Variants in DAB2IP observed in about 807,000 individuals in gnomAD.
DAB2IP encodes disabled homolog 2-interacting protein.
DAB2IP carries 28 observed loss-of-function variants against 107.2 expected under a neutral mutation model. That is an observed-to-expected ratio of 0.26 (90% CI 0.19 to 0.36). The LOEUF is 0.36. Among genes scored for constraint, DAB2IP ranks in the 10% least tolerant of loss-of-function variants. DAB2IP has a pLI of 1.00. For missense variants in DAB2IP, 1,400 were observed against 1,644.7 expected, an observed-to-expected ratio of 0.85 and a Z score of 2.57; for synonymous variants, 755 against 706.4, an observed-to-expected ratio of 1.07 and a Z score of -1.09.
intron 13 of DAB2IP, among the ~76,000 whole-genome samples, chr9:121,775,825 C>T (rs1468110938): frequency 6.6e-6 from 1 of 152,244 alleles, no homozygotes; most frequent in Non-Finnish European, 1.5e-5. Context: ...TGCAGAGCTC[C>T]CACCTCTCAG....
chr9:121,645,565 C>A (rs1341913678), intron 1 of DAB2IP, among the ~76,000 whole-genome samples: 1 of 152,176 alleles, frequency 6.6e-6, no homozygotes, highest in Non-Finnish European at 1.5e-5. Context: ...GGTCTCACTT[C>A]CCCATCTTCA....
Position 121,776,730 on chromosome 9 carries a change from C to T in DAB2IP, c.3314+339C>T, listed in dbSNP as rs1564232299. On this transcript the variant is annotated intron_variant, in intron 14 of 15. Coordinates refer to ENST00000408936, the Ensembl canonical transcript of DAB2IP. The surrounding 1 kb of genome is among the most constrained non-coding windows in gnomAD (Gnocchi z 5.4). ...CTGGATTGGGGGGTGCCAGGAAAGA[C>T]AGGGAGGACCCCAATACAGGGTAAG... 6.6e-6 allele frequency among the ~76,000 whole-genome samples: 1 copy of T among 152,148 alleles called. No homozygotes were observed. Among genetic ancestry groups the T allele is most frequent in the Non-Finnish European group, 1.5e-5 (1 of 68,004 alleles).
rs182856496 is a variant in DAB2IP at position 121,582,953 on chromosome 9, C to T, written c.40+15725C>T. 1.5e-3 allele frequency among the ~76,000 whole-genome samples: 223 copies of T among 152,374 alleles called. 1 individual carries two copies. The highest frequency in any genetic ancestry group is 5.2e-3 in the African/African-American group (216 of 41,590). The stretch of plus-strand genomic sequence containing the variant: ...AAGGCTCTGCCCTGCGGGCAGCCCT[C>T]ATGTGTGTCTCATTCCCCTGTAGCC... On this transcript the variant is annotated intron_variant, in intron 1 of 16. Coordinates refer to the DAB2IP transcript ENST00000259371.
chr9:121,678,399 C>G (rs1828391388), intron 1 of DAB2IP, among the ~76,000 whole-genome samples: 1 of 152,214 alleles, frequency 6.6e-6, no homozygotes. Flanking sequence ...CTGATGGACC[C>G]TTGGGTTTCC....
chr9:121,661,972 C>T (rs1371030912), intron 1 of DAB2IP, among the ~76,000 whole-genome samples: 1 of 151,294 alleles, frequency 6.6e-6, no homozygotes, highest in African/African-American at 2.4e-5. Context: ...CAGAGTAAGA[C>T]CCTGTCTCGA....
At position 121,782,582 on chromosome 9, in the gene DAB2IP, CG is replaced by C; in HGVS notation, c.*86del. The C allele has an allele frequency of 6.4e-7, 1 of 1,557,166 alleles. No individual in the cohort carries two copies. Among genetic ancestry groups the C allele is most frequent in the Non-Finnish European group, 8.7e-7 (1 of 1,148,158 alleles). On this transcript the variant is annotated 3_prime_UTR_variant, in exon 16 of 16. Coordinates refer to ENST00000408936, the Ensembl canonical transcript of DAB2IP. The surrounding 1 kb of genome is among the most constrained non-coding windows in gnomAD (Gnocchi z 6.1). ...GGGTCTCGGCCTGGGGAGGCACCCACGGTTGCAGCCCCAGCGCGGGTGTCAG... is the reference window on the plus strand; with the variant it reads ...GGGTCTCGGCCTGGGGAGGCACCCACGTTGCAGCCCCAGCGCGGGTGTCAG...
At chr9:121,734,317 C>G (rs1831735171) in intron 3 of DAB2IP, among the ~76,000 whole-genome samples, 1 of 138,886 alleles carries the variant, frequency 7.2e-6, no homozygotes, top group Non-Finnish European at 1.5e-5. Context: ...GCGGAGCTTG[C>G]AGTGAGCCGA....
At position 121,684,136 on chromosome 9, in the gene DAB2IP, CA is replaced by C. The variant is rs1378896996; in HGVS notation, c.228+5356del. Among the ~76,000 whole-genome samples the C allele has an allele frequency of 6.6e-6, 1 of 152,134 alleles. No individual in the cohort carries two copies. Among genetic ancestry groups the C allele is most frequent in the Non-Finnish European group, 1.5e-5 (1 of 68,024 alleles). On this transcript the variant is annotated intron_variant, in intron 2 of 15. Coordinates refer to ENST00000408936, the Ensembl canonical transcript of DAB2IP. This position sits in a 1 kb window ranked among gnomAD's most constrained non-coding sequence, Gnocchi z 4.0. ...CCCCATGTTTCAGCTGTCTTTCTGT[CA>C]CACAAACTCAAGAAACAGGCATGTG...
At chr9:121,647,104 A>G (rs1445431766), upstream of DAB2IP, among the ~76,000 whole-genome samples, 1 of 151,970 alleles carries the variant, frequency 6.6e-6, no homozygotes, top group African/African-American at 2.4e-5. Flanking sequence ...CTTGAGGTCA[A>G]ACTTGTAACC....
rs33981373 is a variant in DAB2IP, at chr9:121,614,737, C to CT, written c.40+47523dup. 9.4e-4 allele frequency among the ~76,000 whole-genome samples: 121 copies of CT among 129,284 alleles called. 1 individual carries two copies. Among genetic ancestry groups the CT allele is most frequent in the African/African-American group, 1.2e-3 (41 of 34,972 alleles). The allele number at this position is 129,284 out of a possible 152,430, so 84.8% of individuals were successfully genotyped here. A position where few individuals can be genotyped will look rare whatever the true frequency, so the allele number is the denominator to read the frequency against. On this transcript the variant is annotated intron_variant, in intron 1 of 16. Coordinates refer to the DAB2IP transcript ENST00000259371. ...TTTCTTTTTCTTTCTTTCTTTCTTT[C>CT]TTTTTTTTTTTTTTGAGATGGAGTC...
At position 121,625,137 on chromosome 9, in the gene DAB2IP, G is replaced by A. The variant is rs1002980962; in HGVS notation, c.41-53541G>A. ...TTTTTCCCCATATTTTACAGAGGAG[G>A]AAGTAGAGGCTCAGAGAGAGAGGCT... On this transcript the variant is annotated intron_variant, in intron 1 of 16. Transcript: ENST00000259371. Among the ~76,000 whole-genome samples the A allele has an allele frequency of 7.0e-4, 107 of 152,086 alleles. 8 individuals carry two copies. Among genetic ancestry groups the A allele is most frequent in the Non-Finnish European group, 5.9e-5 (4 of 68,026 alleles).
chr9:121,745,764 T>G (rs1201334397), intron 3 of DAB2IP, among the ~76,000 whole-genome samples: 1 of 152,184 alleles, frequency 6.6e-6, no homozygotes, highest in Non-Finnish European at 1.5e-5. Context: ...AGGTCCACAC[T>G]CCTTTGGCCC....
intron 14 of DAB2IP, among the ~76,000 whole-genome samples, chr9:121,777,342 T>G (rs1235966789): frequency 6.6e-6 from 1 of 152,244 alleles, no homozygotes; most frequent in East Asian, 1.9e-4. Flanking sequence ...TGTTCCTGAC[T>G]GTTGTTTGCT....
chr9:121,592,585 C>A (rs1380716816), intron 1 of DAB2IP, among the ~76,000 whole-genome samples: 1 of 152,188 alleles, frequency 6.6e-6, no homozygotes, highest in African/African-American at 2.4e-5. Context: ...TTTCCAGTGA[C>A]CATATAGCCC....
At chr9:121,632,602 C>T (rs574972311) in intron 1 of DAB2IP, among the ~76,000 whole-genome samples, 1 of 152,280 alleles carries the variant, frequency 6.6e-6, no homozygotes, top group African/African-American at 2.4e-5. Context: ...CCAGCATAGA[C>T]TCCCACCCCC....
chr9:121,599,712 C>T lies in DAB2IP; in HGVS notation c.40+32484C>T, dbSNP rs376733173. ...TTCGCAACCCTGGCCCTGGGCCGCT[C>T]AGGCTCCGGAGCCTTTGGGATGGCA... On this transcript the variant is annotated intron_variant, in intron 1 of 16. Coordinates refer to the DAB2IP transcript ENST00000259371. The surrounding 1 kb of genome is among the most constrained non-coding windows in gnomAD (Gnocchi z 6.9). 2.6e-5 allele frequency among the ~76,000 whole-genome samples: 4 copies of T among 152,164 alleles called. No homozygotes were observed. In the East Asian group the frequency reaches 7.8e-4, roughly 30 times the overall value.
In DAB2IP at chr9:121,701,592, C is replaced by G. The variant is rs1486787508; in HGVS notation, c.362+2134C>G. Among the ~76,000 whole-genome samples, 1 of 152,136 alleles carries G rather than the reference C, an allele frequency of 6.6e-6. No homozygotes were observed. Among genetic ancestry groups the G allele is most frequent in the Non-Finnish European group, 1.5e-5 (1 of 68,028 alleles). On this transcript the variant is annotated intron_variant, in intron 3 of 15. Coordinates refer to ENST00000408936, the Ensembl canonical transcript of DAB2IP. This position sits in a 1 kb window ranked among gnomAD's most constrained non-coding sequence, Gnocchi z 4.7. ...CTGGGTTTGAAATCTCTCTACCCAG[C>G]CTTGGAGCTGAAATAGGCTTTCCCA...
chr9:121,783,909 T>C (rs1202425903), exon 16 of DAB2IP: 8 of 313,126 alleles, frequency 2.6e-5, no homozygotes, highest in Admixed American at 2.1e-4. Context: ...GCAAAGGCCC[T>C]GGGTAAGAAG....
chr9:121,751,591 A>G (rs1833123256), intron 3 of DAB2IP: 1 of 152,420 alleles, frequency 6.6e-6, no homozygotes, highest in African/African-American at 2.4e-5. Flanking sequence ...CCCCTGGAGG[A>G]TAAGAGTTTG....
Sources: gnomAD v4.1 joint callset for allele counts (sites outside exome capture counted in the v4.1 genomes callset) on GRCh38, gnomAD v4.1.1 for gene constraint, Gnocchi (gnomAD v3.1) non-coding constraint, MANE v1.5 for transcripts, NCBI Gene and HGNC (gene_info 2026-07-23, HGNC 2026-07-21) for gene names.